ZNF804B: variants seen among roughly 807,000 people sequenced by gnomAD.
ZNF804B encodes the protein zinc finger protein 804B.
ZNF804B carries 80 observed loss-of-function variants against 101.4 expected under a neutral mutation model. That is an observed-to-expected ratio of 0.79 (90% CI 0.66 to 0.95). The LOEUF (loss-of-function observed/expected upper bound fraction) is 0.95, where lower values mean the gene tolerates loss of function less well. Among genes scored for constraint, ZNF804B ranks in the 40% least tolerant of loss-of-function variants. The pLI is 0.00. For missense variants in ZNF804B, 1,673 were observed against 1,561.9 expected (o/e 1.07, Z -1.20); for synonymous variants, 622 against 558.8 (o/e 1.11, Z -1.59).
chr7:89,291,903 A>G (rs1011460929), intron 2 of ZNF804B, among the ~76,000 whole-genome samples: 6 of 152,172 alleles, frequency 3.9e-5, no homozygotes, highest in Non-Finnish European at 8.8e-5. Context: ...GAAACAAGTA[A>G]CATACAATGG....
chr7:89,047,039 A>G (rs1045870814), intron 1 of ZNF804B, among the ~76,000 whole-genome samples: 7 of 152,082 alleles, frequency 4.6e-5, no homozygotes, highest in Admixed American at 6.6e-5. Context: ...ATTTTCATAA[A>G]TAGCTGAATT....
chr7:89,064,978 G>A (rs888300306), intron 1 of ZNF804B, among the ~76,000 whole-genome samples: 3 of 152,052 alleles, frequency 2.0e-5, no homozygotes, highest in African/African-American at 7.2e-5. Context: ...AGGCTAGAAG[G>A]GAAATTGCCT....
rs145348153 is a variant in ZNF804B, at chr7:88,925,512, C to T, written c.108+165428C>T. 1.2e-3 allele frequency among the ~76,000 whole-genome samples: 185 copies of T among 152,098 alleles called. 1 individual carries two copies. Among genetic ancestry groups the T allele is most frequent in the African/African-American group, 4.2e-3 (176 of 41,494 alleles). ...AAGGGACACTAAAGATGCATGTGTG[C>T]GGTGGAAAGACCACATGAGGACACA... On this transcript the variant is annotated intron_variant, in intron 1 of 3. Coordinates refer to ENST00000333190, the MANE Select transcript of ZNF804B (RefSeq NM_181646.5).
At chr7:89,045,270 G>A (rs1789088014) in intron 1 of ZNF804B, among the ~76,000 whole-genome samples, 1 of 152,232 alleles carries the variant, frequency 6.6e-6, no homozygotes, top group African/African-American at 2.4e-5. Context: ...TGGATGTCCA[G>A]GCAGAAGTCT....
intron 1 of ZNF804B, among the ~76,000 whole-genome samples, chr7:89,147,675 A>G (rs1167128251): frequency 6.6e-6 from 1 of 151,986 alleles, no homozygotes; most frequent in Non-Finnish European, 1.5e-5. Flanking sequence ...GCTACTCTGC[A>G]TGGCTCACAT....
At chr7:89,168,682 CTTTT>C (rs372503661) in intron 1 of ZNF804B, among the ~76,000 whole-genome samples, 4 of 115,744 alleles carry the variant, frequency 3.5e-5, no homozygotes, top group Non-Finnish European at 5.3e-5. Flanking sequence ...GAGCTGAATA[CTTTT>C]TTTTTTTTTT....
intron 1 of ZNF804B, among the ~76,000 whole-genome samples, chr7:89,126,324 G>A (rs1584001508): frequency 6.6e-6 from 1 of 151,938 alleles, no homozygotes; most frequent in Non-Finnish European, 1.5e-5. Context: ...GGAAATTCTT[G>A]ATGGCTGAGT....
chr7:89,315,406 G>GTTTATAATCA (rs774546512), intron 2 of ZNF804B, among the ~76,000 whole-genome samples: 3 of 152,038 alleles, frequency 2.0e-5, no homozygotes, highest in Non-Finnish European at 4.4e-5. Flanking sequence ...TTTTGAAAAA[G>GTTTATAATCA]TTTATAAATG....
chr7:89,176,187 G>A (rs1356957533), intron 1 of ZNF804B, among the ~76,000 whole-genome samples: 1 of 151,790 alleles, frequency 6.6e-6, no homozygotes, highest in Non-Finnish European at 1.5e-5. Context: ...ACCATGAATG[G>A]GTATCATGGT....
intron 1 of ZNF804B, among the ~76,000 whole-genome samples, chr7:88,900,997 C>T (rs1792381519): frequency 6.6e-6 from 1 of 151,678 alleles, no homozygotes; most frequent in Non-Finnish European, 1.5e-5. Context: ...CTCCTATTTT[C>T]AATATAGCAT....
intron 2 of ZNF804B, among the ~76,000 whole-genome samples, chr7:89,223,070 T>G (rs1789030435): frequency 6.6e-6 from 1 of 151,932 alleles, no homozygotes; most frequent in African/African-American, 2.4e-5. Context: ...TTTGGTTCTT[T>G]CTTCTTTAAG....
chr7:88,790,770 G>A (rs1034380616), intron 1 of ZNF804B, among the ~76,000 whole-genome samples: 3 of 152,080 alleles, frequency 2.0e-5, no homozygotes, highest in Admixed American at 1.3e-4. Context: ...GCATGTATCT[G>A]CATTCTATTA....
intron 2 of ZNF804B, among the ~76,000 whole-genome samples, chr7:89,287,784 G>A (rs1022394560): frequency 6.6e-6 from 1 of 151,958 alleles, no homozygotes; most frequent in Non-Finnish European, 1.5e-5. Context: ...GTGAACACTG[G>A]GCATTTATGT....
intron 1 of ZNF804B, among the ~76,000 whole-genome samples, chr7:89,151,615 G>T (rs1790877376): frequency 6.6e-6 from 1 of 151,700 alleles, no homozygotes; most frequent in Non-Finnish European, 1.5e-5. Context: ...AATTTACTGT[G>T]AAATGTAAAA....
At chr7:89,289,080 CAA>C (rs1372033976) in intron 2 of ZNF804B, among the ~76,000 whole-genome samples, 5 of 151,700 alleles carry the variant, frequency 3.3e-5, no homozygotes, top group Non-Finnish European at 5.9e-5. Context: ...AATAATGAAA[CAA>C]GACACAAATT....
chr7:89,309,297 C>A (rs1425555540), intron 2 of ZNF804B, among the ~76,000 whole-genome samples: 1 of 152,114 alleles, frequency 6.6e-6, no homozygotes, highest in Non-Finnish European at 1.5e-5. Context: ...CCTCCAGCTG[C>A]ATCCATGTTG....
chr7:89,291,094 T>C (rs1790282870), intron 2 of ZNF804B, among the ~76,000 whole-genome samples: 1 of 152,144 alleles, frequency 6.6e-6, no homozygotes, highest in Non-Finnish European at 1.5e-5. Context: ...TCCCACCTAA[T>C]ACAGATACAG....
In ZNF804B at chr7:89,077,317, C is replaced by T. The variant is rs117421065; in HGVS notation, c.109-140838C>T. Among the ~76,000 whole-genome samples, 58 of 151,846 alleles carry T rather than the reference C, an allele frequency of 3.8e-4. No individual in the cohort carries two copies. In the East Asian group the frequency reaches 0.011, roughly 28 times the overall value. On this transcript the variant is annotated intron_variant, in intron 1 of 3. Transcript: ENST00000333190. Reference sequence around the variant, plus strand: ...CGTTGAATAATGGGTCATGGTATGTCAGTAAATGAGGAAAGTGAAGAAAGA... The same window carrying T: ...CGTTGAATAATGGGTCATGGTATGTTAGTAAATGAGGAAAGTGAAGAAAGA...
chr7:89,005,862 A>G (rs1431004030), intron 1 of ZNF804B, among the ~76,000 whole-genome samples: 1 of 152,078 alleles, frequency 6.6e-6, no homozygotes, highest in African/African-American at 2.4e-5. Flanking sequence ...CTCCTTTTCT[A>G]CACCAGATTC....
Sources: gnomAD v4.1 joint callset for allele counts (sites outside exome capture counted in the v4.1 genomes callset) on GRCh38, gnomAD v4.1.1 for gene constraint, MANE v1.5 for transcripts, NCBI Gene and HGNC (gene_info 2026-07-23, HGNC 2026-07-21) for gene names.